Variants in CYBA observed in about 807,000 individuals in gnomAD.
The protein encoded by CYBA is cytochrome b-245 alpha chain, also known as cytochrome b-245 light chain.
In CYBA, 21 loss-of-function variants were observed where a neutral mutation model predicts 20.8. The observed-to-expected ratio is 1.01, with a 90% CI of 0.72 to 1.46. The LOEUF (loss-of-function observed/expected upper bound fraction) is 1.46. Ranked by LOEUF, CYBA falls within the 40% of genes most tolerant of loss-of-function variation. The pLI, the probability that CYBA is intolerant of heterozygous loss-of-function variation, is 0.00. For missense variants in CYBA, 344 were observed against 287.0 expected (o/e 1.20, Z -1.43); for synonymous variants, 164 against 127.5 (o/e 1.29, Z -1.93).
At chr16:88,650,396 T>C (rs1319701972) in intron 1 of CYBA, 1 of 456,986 alleles carries the variant, frequency 2.2e-6, no homozygotes, top group African/African-American at 2.0e-5. Flanking sequence ...GCAAAGTGCC[T>C]GTGCAGCTGG....
chr16:88,644,427 C>T (rs1193497764), intron 5 of CYBA, among the ~76,000 whole-genome samples: 5 of 152,202 alleles, frequency 3.3e-5, no homozygotes, highest in Non-Finnish European at 7.3e-5. Flanking sequence ...ACTCCACGCG[C>T]CAAGTTAACA....
rs555786665 is a variant in CYBA, at chr16:88,645,094, G to C, written c.369+1022C>G. 56 of 688,286 alleles carry C rather than the reference G, an allele frequency of 8.1e-5. No homozygotes were observed. In the African/African-American group the frequency reaches 8.2e-4, roughly 10 times the overall value. The allele number at this position is 688,286 out of a possible 1,614,324, so 42.6% of individuals were successfully genotyped here. A position where few individuals can be genotyped will look rare whatever the true frequency, so the allele number is the denominator to read the frequency against. ...AGCCCGGCAGGGTGAACGGTGCAGA[G>C]GCTGATGCCTGACCCAGCAATTCCT... On this transcript the variant is annotated intron_variant, in intron 5 of 5. Coordinates refer to ENST00000261623, the MANE Select transcript of CYBA (RefSeq NM_000101.4).
rs139565470 is a variant in CYBA, at chr16:88,649,707, G to C, written c.58+1249C>G. ...GCTCAGGAGATCTAGGAACAGAAAGGAAGCACGGCAGCTGGAGGAGGGGGC... is the reference window on the plus strand; with the variant it reads ...GCTCAGGAGATCTAGGAACAGAAAGCAAGCACGGCAGCTGGAGGAGGGGGC... On this transcript the variant is annotated intron_variant, in intron 1 of 5. Transcript: ENST00000261623. 2.6e-4 allele frequency among the ~76,000 whole-genome samples: 39 copies of C among 152,352 alleles called. No homozygotes were observed. The East Asian group carries it at 7.3e-3, about 29-fold the overall frequency.
intron 5 of CYBA, 29 bp downstream of exon 5, chr16:88,646,087 C>T (rs753525357): frequency 1.3e-5 from 20 of 1,536,590 alleles, no homozygotes; most frequent in South Asian, 6.0e-5. Flanking sequence ...TGGGGGTGGC[C>T]GGGGCCGACC....
intron 5 of CYBA, chr16:88,645,194 G>C (rs553031261): frequency 1.2e-4 from 82 of 702,370 alleles, no homozygotes; most frequent in African/African-American, 1.0e-3. Flanking sequence ...AGGGAGACGG[G>C]GGGGATGCGG....
intron 4 of CYBA, chr16:88,646,420 G>A (rs1160598067): frequency 1.8e-5 from 12 of 680,428 alleles, no homozygotes; most frequent in South Asian, 1.2e-4. Flanking sequence ...CCACGTGTGG[G>A]TGTCCTGGCC....
intron 4 of CYBA, 53 bp downstream of exon 4, chr16:88,646,702 G>T (rs757215948): frequency 1.3e-6 from 2 of 1,500,898 alleles, no homozygotes; most frequent in Non-Finnish European, 1.9e-6. Flanking sequence ...CAGTGGGGAG[G>T]GTCGGCTCCA....
rs868210009 is a variant in CYBA, at chr16:88,646,135, G to A, written c.350C>T (p.Ala117Val). Residue 117 changes from alanine to valine, a missense_variant, in exon 5 of 6, where the codon GCG becomes GTG. Coordinates refer to ENST00000261623, the MANE Select transcript of CYBA (RefSeq NM_000101.4). ...TILGTACLAI[A>V]SGIYLLAAVR... ...ACTCACCAGTAGGTAGATGCCGCTC[G>A]CAATGGCCAGGCAGGCGGTCCCAAG... The A allele has an allele frequency of 4.5e-6, 7 of 1,557,068 alleles. No individual in the cohort carries two copies. Among genetic ancestry groups the A allele is most frequent in the Admixed American group, 3.8e-5 (2 of 52,318 alleles).
intron 1 of CYBA, among the ~76,000 whole-genome samples, chr16:88,648,668 A>G (rs1597373156): frequency 6.9e-6 from 1 of 145,762 alleles, no homozygotes. Flanking sequence ...CCCAGGCTGG[A>G]GTGCAGTGGC....
chr16:88,650,167 C>G (rs978479953), intron 1 of CYBA: 7 of 344,016 alleles, frequency 2.0e-5, no homozygotes, highest in Non-Finnish European at 4.1e-5. Context: ...AGGCCCTTCC[C>G]AGGCACTCCT....
At chr16:88,649,449 G>A (rs1907424797) in intron 1 of CYBA, among the ~76,000 whole-genome samples, 1 of 152,220 alleles carries the variant, frequency 6.6e-6, no homozygotes, top group Admixed American at 6.5e-5. Flanking sequence ...GCTGCCGCTG[G>A]TGCCACCAGG....
At chr16:88,648,409 A>G (rs1351144454) in intron 1 of CYBA, among the ~76,000 whole-genome samples, 1 of 150,090 alleles carries the variant, frequency 6.7e-6, no homozygotes, top group African/African-American at 2.4e-5. Context: ...GGACCCCCAA[A>G]TGGACCCCCT....
chr16:88,645,541 G>A lies in CYBA; in HGVS notation c.369+575C>T, dbSNP rs1017594492. 1.5e-5 allele frequency: 10 copies of A among 650,616 alleles called. No homozygotes were observed. The African/African-American group carries it at 1.6e-4, about 10-fold the overall frequency. 40.3% of individuals were successfully genotyped at this position (650,616 alleles called of 1,614,324 possible). A position where few individuals can be genotyped will look rare whatever the true frequency, so the allele number is the denominator to read the frequency against. On this transcript the variant is annotated intron_variant, in intron 5 of 5. Transcript: ENST00000261623. ...TGTTCCGGAGCCCAGGGCAGGCAGA[G>A]GGCATTTCACCCAAGGCCTGGCCAG...
At chr16:88,650,668 T>C in intron 1 of CYBA, 1 of 597,586 alleles carries the variant, frequency 1.7e-6, no homozygotes, top group South Asian at 1.7e-5. Flanking sequence ...TCCCCTGCGC[T>C]GCAACTTCCT....
At chr16:88,645,836 T>C (rs1163473683) in intron 5 of CYBA, 2 of 560,252 alleles carry the variant, frequency 3.6e-6, no homozygotes, top group East Asian at 5.9e-5. Flanking sequence ...AGCCTCCGCA[T>C]CTTTGTCTGT....
chr16:88,644,953 A>G (rs1907220928), intron 5 of CYBA: 3 of 589,908 alleles, frequency 5.1e-6, no homozygotes, highest in East Asian at 5.6e-5. Flanking sequence ...GGCGAGTCCA[A>G]GCTCCACACG....
chr16:88,646,173 C>T lies in CYBA; in HGVS notation c.312G>A (p.Leu104=). 1 of 1,559,264 alleles carries T rather than the reference C, an allele frequency of 6.4e-7. No individual in the cohort carries two copies. The highest frequency in any genetic ancestry group is 8.7e-7 in the Non-Finnish European group (1 of 1,154,108). Residue 104 remains leucine, a synonymous_variant, in exon 5 of 6, where the codon CTG becomes CTA. Coordinates refer to ENST00000261623, the MANE Select transcript of CYBA (RefSeq NM_000101.4). ...HLLLSVPAGF[L]LATILGTACL... ...AGGCGGTCCCAAGGATGGTGGCCAGCAGGAAGCCGGCGGGCACCGAGAGCC... is the reference window on the plus strand; with the variant it reads ...AGGCGGTCCCAAGGATGGTGGCCAGTAGGAAGCCGGCGGGCACCGAGAGCC...
Position 88,643,382 on chromosome 16 carries a change from G to A in CYBA, c.559C>T (p.Pro187Ser). ...ACGACCTCGTCGGTCACCGGGATGG[G>A]GTTGACCTGGGGACCTCCCGGGGGT... ...GGPPGGPQVN[P>S]IPVTDEVV The change falls in exon 6 of 6, where the codon CCC (proline) becomes TCC (serine). Residue 187 changes from proline (P) to serine (S), a missense_variant. Transcript: ENST00000261623. The surrounding 1 kb of genome is among the most constrained non-coding windows in gnomAD (Gnocchi z 4.3). 1 of 1,534,210 alleles carries A rather than the reference G, an allele frequency of 6.5e-7. No homozygotes were observed. Among genetic ancestry groups the A allele is most frequent in the Non-Finnish European group, 8.8e-7 (1 of 1,142,854 alleles).
chr16:88,650,865 T>G, intron 1 of CYBA, 91 bp downstream of exon 1: 1 of 1,361,190 alleles, frequency 7.3e-7, no homozygotes, highest in Non-Finnish European at 1.0e-6. Context: ...GGCGCCCCAC[T>G]TCCCCACCCT....
Sources: gnomAD v4.1 joint callset for allele counts (sites outside exome capture counted in the v4.1 genomes callset) on GRCh38, gnomAD v4.1.1 for gene constraint, Gnocchi (gnomAD v3.1) non-coding constraint, MANE v1.5 for transcripts, NCBI Gene and HGNC (gene_info 2026-07-23, HGNC 2026-07-21) for gene names.